Variants in ZNF236 observed in about 807,000 individuals in gnomAD.
The protein encoded by ZNF236 is zinc finger protein 236, also known as regulated by glucose.
Under a neutral mutation model 191.2 loss-of-function variants are expected in ZNF236, and 50 were observed. The observed-to-expected ratio is 0.26, with a 90% CI of 0.21 to 0.33. ZNF236 has a LOEUF of 0.33. Among genes scored for constraint, ZNF236 ranks in the 10% least tolerant of loss-of-function variants. ZNF236 has a pLI of 1.00. For missense variants in ZNF236, 1,754 were observed against 2,374.5 expected, an observed-to-expected ratio of 0.74 and a Z score of 5.43; for synonymous variants, 907 against 928.8, an observed-to-expected ratio of 0.98 and a Z score of 0.43.
At position 76,925,054 on chromosome 18, in the gene ZNF236, G is replaced by T; in HGVS notation, c.3662-135G>T. The T allele has an allele frequency of 7.5e-7, 1 of 1,326,342 alleles. No individual in the cohort carries two copies. Among genetic ancestry groups the T allele is most frequent in the Non-Finnish European group, 1.0e-6 (1 of 972,940 alleles). The allele number at this position is 1,326,342 out of a possible 1,614,324, so 82.2% of individuals were successfully genotyped here. A position where few individuals can be genotyped will look rare whatever the true frequency, so the allele number is the denominator to read the frequency against. On this transcript the variant is annotated intron_variant, in intron 21 of 30. Coordinates refer to ENST00000320610, the MANE Select transcript of ZNF236 (RefSeq NM_001306089.2). This position sits in a 1 kb window ranked among gnomAD's most constrained non-coding sequence, Gnocchi z 5.7. ...CTGTGACGTCCGTAACATCTTATAG[G>T]TGAAAGGGATTCTCATTAAAGTACT...
At chr18:76,904,782 G>T (rs1352852794) in intron 12 of ZNF236, among the ~76,000 whole-genome samples, 1 of 152,146 alleles carries the variant, frequency 6.6e-6, no homozygotes, top group East Asian at 1.9e-4. Context: ...TGTCAAAGAA[G>T]TTTATTTTAT....
intron 13 of ZNF236, 111 bp downstream of exon 13, chr18:76,905,526 T>A: frequency 1.1e-6 from 1 of 892,578 alleles, no homozygotes; most frequent in Non-Finnish European, 1.6e-6. Flanking sequence ...TATTTCTAGC[T>A]CATACTATAT....
chr18:76,955,456 G>T (rs1460718236), intron 27 of ZNF236, among the ~76,000 whole-genome samples: 2 of 152,174 alleles, frequency 1.3e-5, no homozygotes, highest in Non-Finnish European at 2.9e-5. Flanking sequence ...ATTTTTTCAA[G>T]TGGTGGTGGC....
chr18:76,933,576 A>ATC (rs1967917085), intron 25 of ZNF236, among the ~76,000 whole-genome samples: 1 of 151,968 alleles, frequency 6.6e-6, no homozygotes, highest in African/African-American at 2.4e-5. Context: ...AAAAAAAAAA[A>ATC]GCTTTTCAAG....
chr18:76,840,413 G>C (rs1975446660), intron 1 of ZNF236, among the ~76,000 whole-genome samples: 1 of 152,030 alleles, frequency 6.6e-6, no homozygotes, highest in Non-Finnish European at 1.5e-5. Flanking sequence ...AGAATCGCTT[G>C]AACCCAGGAG....
chr18:76,849,493 G>T, intron 1 of ZNF236, 33 bp from the exon 2 acceptor site: 1 of 1,521,240 alleles, frequency 6.6e-7, no homozygotes, highest in Non-Finnish European at 8.8e-7. Flanking sequence ...ATAACAACTG[G>T]TATTTATTGT....
chr18:76,905,087 C>A, intron 12 of ZNF236, 68 bp from the exon 13 acceptor site: 2 of 1,445,170 alleles, frequency 1.4e-6, no homozygotes, highest in Non-Finnish European at 1.9e-6. Context: ...TGCAAGAGTG[C>A]ATTCTAGTCA....
chr18:76,855,772 T>C (rs1337631409), intron 3 of ZNF236, among the ~76,000 whole-genome samples: 1 of 152,074 alleles, frequency 6.6e-6, no homozygotes, highest in Non-Finnish European at 1.5e-5. Context: ...GTGGGGTGCT[T>C]CTGTTATCTT....
In ZNF236 at chr18:76,880,225, T is replaced by A. The variant is rs1976848916; in HGVS notation, c.1097T>A (p.Leu366His). The change falls in exon 8 of 31, where the codon CTC becomes CAC. Residue 366 changes from leucine to histidine, a missense_variant. Leu to His is a moderately conservative substitution (Grantham distance 99). Transcript: ENST00000320610. The surrounding 1 kb of genome is among the most constrained non-coding windows in gnomAD (Gnocchi z 5.0). The part of the protein sequence containing the change: ...VSDVIQQLLE[L>H]SEPAPVESGQ... ...GACGTCATCCAGCAGCTCCTGGAGC[T>A]CTCAGAGCCGGCGCCGGTGGAGTCG... 2 of 1,613,986 alleles carry A rather than the reference T, an allele frequency of 1.2e-6. No individual in the cohort carries two copies. Among genetic ancestry groups the A allele is most frequent in the Non-Finnish European group, 1.7e-6 (2 of 1,180,012 alleles).
intron 9 of ZNF236, among the ~76,000 whole-genome samples, chr18:76,891,712 A>ATT (rs564745673): frequency 6.8e-6 from 1 of 147,172 alleles, no homozygotes; most frequent in Non-Finnish European, 1.5e-5. Flanking sequence ...CTTTGATTTA[A>ATT]TTTTTTTTTT....
At position 76,909,053 on chromosome 18, in the gene ZNF236, C is replaced by T. The variant is rs1010995554; in HGVS notation, c.2551+480C>T. Among the ~76,000 whole-genome samples, 6 of 151,906 alleles carry T rather than the reference C, an allele frequency of 3.9e-5. No homozygotes were observed. In the South Asian group the frequency reaches 6.2e-4, roughly 16 times the overall value. ...ACAAATAAGGCTGGGTGTGGTGGCT[C>T]ACGCCTGTAATCCCAGCACTTTGGG... On this transcript the variant is annotated intron_variant, in intron 14 of 30. Transcript: ENST00000320610.
chr18:76,896,323 G>A (rs1216697024), intron 10 of ZNF236, among the ~76,000 whole-genome samples: 1 of 150,850 alleles, frequency 6.6e-6, no homozygotes, highest in Admixed American at 6.6e-5. Context: ...ACACACACAG[G>A]CATTGCCCAC....
At chr18:76,948,054 A>G (rs1968309259) in intron 27 of ZNF236, among the ~76,000 whole-genome samples, 1 of 152,108 alleles carries the variant, frequency 6.6e-6, no homozygotes, top group African/African-American at 2.4e-5. Context: ...TAAGTGTCAT[A>G]CACATTTTCA....
At chr18:76,855,825 A>G (rs1048426851) in intron 3 of ZNF236, among the ~76,000 whole-genome samples, 3 of 152,222 alleles carry the variant, frequency 2.0e-5, no homozygotes, top group East Asian at 3.8e-4. Context: ...TGCCCAGCAC[A>G]GCCTCCATTG....
At chr18:76,883,196 C>T (rs1042551294) in intron 9 of ZNF236, among the ~76,000 whole-genome samples, 7 of 152,090 alleles carry the variant, frequency 4.6e-5, no homozygotes, top group African/African-American at 9.7e-5. Context: ...CCTTCCTGTA[C>T]GGTATTCTAG....
At chr18:76,852,404 G>A (rs977339894) in intron 3 of ZNF236, among the ~76,000 whole-genome samples, 1 of 152,168 alleles carries the variant, frequency 6.6e-6, no homozygotes, top group Non-Finnish European at 1.5e-5. Context: ...ACCACTCCTG[G>A]GAGCTCCACA....
chr18:76,880,418 G>A lies in ZNF236; in HGVS notation c.1188+102G>A. On this transcript the variant is annotated intron_variant, in intron 8 of 30. Transcript: ENST00000320610. The surrounding 1 kb of genome is among the most constrained non-coding windows in gnomAD (Gnocchi z 5.0). Reference sequence around the variant, plus strand: ...AATCTGCAGGGCTTGTCAAAGTCAGGGTATCCTCATGAAAAATGTGCCTGA... The same window carrying A: ...AATCTGCAGGGCTTGTCAAAGTCAGAGTATCCTCATGAAAAATGTGCCTGA... 3 of 1,248,560 alleles carry A rather than the reference G, an allele frequency of 2.4e-6. No individual in the cohort carries two copies. Among genetic ancestry groups the A allele is most frequent in the Admixed American group, 3.2e-5 (1 of 31,432 alleles). 77.3% of individuals were successfully genotyped at this position (1,248,560 alleles called of 1,614,324 possible).
chr18:76,854,853 C>T (rs1292381872), intron 3 of ZNF236, among the ~76,000 whole-genome samples: 1 of 152,148 alleles, frequency 6.6e-6, no homozygotes, highest in Admixed American at 6.5e-5. Flanking sequence ...AACACCTTCT[C>T]TTGCAGAGTT....
At position 76,902,352 on chromosome 18, in the gene ZNF236, A is replaced by G. The variant is rs114001453; in HGVS notation, c.1895-2028A>G. 3.3e-3 allele frequency among the ~76,000 whole-genome samples: 495 copies of G among 152,286 alleles called. 4 individuals are homozygous for G. The highest frequency in any genetic ancestry group is 0.011 in the African/African-American group (466 of 41,552). ...AAAACATGGTAAGGAGAGGATTAGC[A>G]TAGAATAGTGTTATGAGAGTAAGTG... On this transcript the variant is annotated intron_variant, in intron 11 of 30. Transcript: ENST00000320610.
Sources: allele counts gnomAD v4.1 joint callset (sites outside exome capture counted in the v4.1 genomes callset), GRCh38; gene constraint gnomAD v4.1.1; non-coding constraint Gnocchi (gnomAD v3.1); transcripts MANE v1.5; gene names NCBI Gene and HGNC (gene_info 2026-07-23, HGNC 2026-07-21).